Variants in SLMAP observed in about 807,000 individuals in gnomAD.
SLMAP encodes the protein sarcolemma associated protein.
In SLMAP, 44 loss-of-function variants were observed where a neutral mutation model predicts 128.8. That is an observed-to-expected ratio of 0.34 (90% CI 0.27 to 0.44). SLMAP has a LOEUF of 0.44. SLMAP is among the 20% of genes least tolerant of loss of function. SLMAP has a pLI of 1.00. For synonymous variants in SLMAP, 327 were observed against 348.8 expected (o/e 0.94, Z 0.70); for missense variants, 787 against 985.3 (o/e 0.80, Z 2.69).
chr3:57,803,840 G>A (rs2089185601), intron 2 of SLMAP, among the ~76,000 whole-genome samples: 1 of 152,094 alleles, frequency 6.6e-6, no homozygotes, highest in Non-Finnish European at 1.5e-5. Context: ...TCACACCTTG[G>A]GAGTTTCCCT....
chr3:57,886,666 G>A (rs1454332833), intron 14 of SLMAP, among the ~76,000 whole-genome samples: 1 of 149,608 alleles, frequency 6.7e-6, no homozygotes, highest in African/African-American at 2.5e-5. Flanking sequence ...ATTCCAGAGG[G>A]GGAGAATAAG....
chr3:57,788,916 G>A (rs1330559117), intron 2 of SLMAP, among the ~76,000 whole-genome samples: 2 of 152,096 alleles, frequency 1.3e-5, no homozygotes, highest in Non-Finnish European at 2.9e-5. Context: ...AAGTGGATCC[G>A]GAGAGTAATT....
intron 15 of SLMAP, among the ~76,000 whole-genome samples, chr3:57,895,007 A>G (rs1409515664): frequency 6.6e-6 from 1 of 152,104 alleles, no homozygotes; most frequent in Non-Finnish European, 1.5e-5. Flanking sequence ...AAAGAATGCC[A>G]TAGGCCAGGT....
chr3:57,858,094 A>G lies in SLMAP; in HGVS notation c.622A>G (p.Ile208Val). ...TTTAATTTTTCTTCAATAGGCTTTA[A>G]TAGATGAAGATAGACTCTTATCACG... ...EASDTSWQAL[I>V]DEDRLLSRLE... Residue 208 changes from isoleucine (I) to valine (V), a missense_variant, in exon 8 of 25, where the codon ATA becomes GTA. Coordinates refer to ENST00000671191, the MANE Select transcript of SLMAP (RefSeq NM_001377540.1). 6.3e-7 allele frequency: 1 copy of G among 1,575,556 alleles called. No homozygotes were observed. The highest frequency in any genetic ancestry group is 1.1e-5 in the South Asian group (1 of 90,192).
rs2096262638 is a variant in SLMAP at position 57,897,109 on chromosome 3, A to G, written c.1501+177A>G. 4 of 1,364,844 alleles carry G rather than the reference A, an allele frequency of 2.9e-6. No individual in the cohort carries two copies. The Admixed American group carries it at 1.1e-4, about 36-fold the overall frequency. 84.5% of individuals were successfully genotyped at this position (1,364,844 alleles called of 1,614,324 possible). ...TTGGTGTTTATACCCAATATTTCAA[A>G]CTATTGTTGAATAATTTGGATCAGT... On this transcript the variant is annotated intron_variant, in intron 17 of 24. Coordinates refer to ENST00000671191, the MANE Select transcript of SLMAP (RefSeq NM_001377540.1).
chr3:57,885,771 CTTTTTTTTTTTTTT>C (rs35541333), intron 14 of SLMAP, among the ~76,000 whole-genome samples: 4 of 53,574 alleles, frequency 7.5e-5, no homozygotes, highest in African/African-American at 1.6e-4. Flanking sequence ...GTTTTTGGTT[CTTTTTTTTTTTTTT>C]TTTTTTTTTT....
At chr3:57,906,292 ATTTTTTTCTTTTTTTTTCT>A (rs1559511860) in intron 17 of SLMAP, among the ~76,000 whole-genome samples, 2 of 78,754 alleles carry the variant, frequency 2.5e-5, no homozygotes, top group Non-Finnish European at 5.1e-5. Context: ...CCAGAATCAA[ATTTTTTTCTTTTTTTTTCT>A]TTTTTTTTTT....
chr3:57,894,004 TTA>T (rs1246184322), intron 15 of SLMAP, among the ~76,000 whole-genome samples: 1 of 152,206 alleles, frequency 6.6e-6, no homozygotes, highest in Admixed American at 6.5e-5. Context: ...GGGGGTATTC[TTA>T]TATGGAATAG....
rs1001533706 is a variant in SLMAP, at chr3:57,913,154, T to C, written c.2021-4T>C. 4.5e-6 allele frequency: 6 copies of C among 1,346,862 alleles called. No homozygotes were observed. The African/African-American group carries it at 7.2e-5, about 16-fold the overall frequency. The allele number at this position is 1,346,862 out of a possible 1,614,324, so 83.4% of individuals were successfully genotyped here. On this transcript the variant is annotated splice_polypyrimidine_tract_variant and splice_region_variant and intron_variant, in intron 20 of 24. Coordinates refer to ENST00000671191, the MANE Select transcript of SLMAP (RefSeq NM_001377540.1). ...TTAACAAATATGTTTTGGGACTATT[T>C]TAGGTGAACTAGAGAAGTTGAGAAA...
chr3:57,812,699 A>T (rs1368768731), intron 2 of SLMAP, among the ~76,000 whole-genome samples: 2 of 151,882 alleles, frequency 1.3e-5, no homozygotes, highest in Middle Eastern at 3.2e-3. Context: ...TGATTATGGG[A>T]TGTGTTTTTA....
At chr3:57,839,258 G>A (rs1351508137) in intron 3 of SLMAP, among the ~76,000 whole-genome samples, 3 of 151,884 alleles carry the variant, frequency 2.0e-5, no homozygotes, top group Non-Finnish European at 4.4e-5. Flanking sequence ...TTCTTGATCT[G>A]TGTTAGCACT....
At chr3:57,860,981 C>A in intron 9 of SLMAP, 142 bp downstream of exon 9, 1 of 678,178 alleles carries the variant, frequency 1.5e-6, no homozygotes, top group Non-Finnish European at 2.4e-6. Flanking sequence ...AACAGTTACG[C>A]TGCTTTCATT....
chr3:57,773,389 A>G (rs2081256476), intron 2 of SLMAP, among the ~76,000 whole-genome samples: 1 of 152,216 alleles, frequency 6.6e-6, no homozygotes, highest in South Asian at 2.1e-4. Context: ...TCTTGTTTAT[A>G]TTAATTAGCC....
chr3:57,821,689 A>G (rs2092533282), intron 2 of SLMAP, among the ~76,000 whole-genome samples: 1 of 152,204 alleles, frequency 6.6e-6, no homozygotes, highest in African/African-American at 2.4e-5. Flanking sequence ...TTCATCCTAC[A>G]CACAGCTGCT....
intron 13 of SLMAP, among the ~76,000 whole-genome samples, chr3:57,870,682 G>A (rs543152115): frequency 2.0e-5 from 3 of 152,286 alleles, no homozygotes; most frequent in South Asian, 2.1e-4. Flanking sequence ...GAGGAGTAAC[G>A]TGGCCTGAGG....
Position 57,912,404 on chromosome 3 carries a change from G to A in SLMAP, c.1723G>A (p.Asp575Asn), listed in dbSNP as rs755931186. Residue 575 changes from aspartate (D) to asparagine (N), a missense_variant, in exon 20 of 25, where the codon GAT becomes AAT. Transcript: ENST00000671191. ...LQAQLQRLHI[D>N]TENLREEKDS... ...AGCCCAATTGCAGAGGTTACACATCGATACTGAGAATCTCCGGGAGGAGAA... is the reference window on the plus strand; with the variant it reads ...AGCCCAATTGCAGAGGTTACACATCAATACTGAGAATCTCCGGGAGGAGAA... The A allele has an allele frequency of 4.3e-6, 7 of 1,612,810 alleles. No homozygotes were observed. The highest frequency in any genetic ancestry group is 2.2e-5 in the East Asian group (1 of 44,846).
Position 57,759,696 on chromosome 3 carries a change from G to A in SLMAP, c.198+1847G>A, listed in dbSNP as rs751184346. The stretch of plus-strand genomic sequence containing the variant: ...AGCTTTTACATTTTCACCATTTTAT[G>A]TTCTTGGGCAACAGGTCTAAACTAA... On this transcript the variant is annotated intron_variant, in intron 2 of 24. Coordinates refer to ENST00000671191, the MANE Select transcript of SLMAP (RefSeq NM_001377540.1). Among the ~76,000 whole-genome samples, 21 of 152,224 alleles carry A rather than the reference G, an allele frequency of 1.4e-4. No homozygotes were observed. In the East Asian group the frequency reaches 4.1e-3, roughly 29 times the overall value.
At chr3:57,919,383 G>GAA (rs1196503584) in intron 22 of SLMAP, among the ~76,000 whole-genome samples, 1 of 120,034 alleles carries the variant, frequency 8.3e-6, no homozygotes, top group Non-Finnish European at 1.8e-5. Flanking sequence ...CTCCATCTCA[G>GAA]AAAAAAAAAA....
intron 13 of SLMAP, among the ~76,000 whole-genome samples, chr3:57,866,581 CTT>C (rs780775384): frequency 6.6e-6 from 1 of 152,122 alleles, no homozygotes; most frequent in Non-Finnish European, 1.5e-5. Context: ...AATGCATTGA[CTT>C]TTTAAAATTC....
Sources: allele counts gnomAD v4.1 joint callset (sites outside exome capture counted in the v4.1 genomes callset), GRCh38; gene constraint gnomAD v4.1.1; transcripts MANE v1.5; gene names NCBI Gene and HGNC (gene_info 2026-07-23, HGNC 2026-07-21).